The following CDH4 variants were observed in gnomAD, a reference collection of about 807,000 sequenced individuals.
CDH4 encodes the protein cadherin 4.
In CDH4, 33 loss-of-function variants were observed where a neutral mutation model predicts 86.0. That is an observed-to-expected ratio of 0.38 (90% CI 0.29 to 0.51). CDH4 has a LOEUF of 0.51. CDH4 is among the 20% of genes least tolerant of loss of function. The pLI, the probability that CDH4 is intolerant of heterozygous loss-of-function variation, is 0.86. For missense variants in CDH4, 1,114 were observed against 1,307.4 expected (o/e 0.85, Z 2.28); for synonymous variants, 555 against 549.4 (o/e 1.01, Z -0.14).
intron 2 of CDH4, among the ~76,000 whole-genome samples, chr20:61,587,186 G>A (rs6089419): frequency 1.3e-5 from 2 of 152,258 alleles, no homozygotes; most frequent in Admixed American, 1.3e-4. Flanking sequence ...GAAGCCTCCA[G>A]GCTCGGGGCA....
intron 5 of CDH4, among the ~76,000 whole-genome samples, chr20:61,845,424 C>A (rs896468849): frequency 9.2e-5 from 14 of 152,332 alleles, no homozygotes; most frequent in African/African-American, 3.4e-4. Flanking sequence ...AGGGGGCGGG[C>A]CTTCTCCTCC....
intron 2 of CDH4, among the ~76,000 whole-genome samples, chr20:61,314,410 C>T (rs1221736552): frequency 6.6e-6 from 1 of 152,160 alleles, no homozygotes; most frequent in Non-Finnish European, 1.5e-5. Flanking sequence ...GTATCGTGTC[C>T]TCCAGTTTCA....
chr20:61,792,235 G>A (rs956997046), intron 4 of CDH4, among the ~76,000 whole-genome samples: 3 of 152,136 alleles, frequency 2.0e-5, no homozygotes, highest in Admixed American at 1.3e-4. Context: ...GGGAGCCATC[G>A]AGGCTGGCTC....
intron 2 of CDH4, among the ~76,000 whole-genome samples, chr20:61,390,915 CCTTTTT>C (rs563712790): frequency 2.5e-4 from 38 of 152,236 alleles, no homozygotes; most frequent in Admixed American, 5.9e-4. Context: ...GTAATTTTCT[CCTTTTT>C]CTTTGTATTG....
intron 4 of CDH4, among the ~76,000 whole-genome samples, chr20:61,819,121 C>A (rs565328779): frequency 6.6e-6 from 1 of 152,348 alleles, no homozygotes; most frequent in African/African-American, 2.4e-5. Flanking sequence ...GCCCTTTCCC[C>A]CATCCTTGAG....
At chr20:61,818,126 T>G (rs1980824977) in intron 4 of CDH4, among the ~76,000 whole-genome samples, 1 of 151,934 alleles carries the variant, frequency 6.6e-6, no homozygotes, top group African/African-American at 2.4e-5. Flanking sequence ...GCCTCCTGGG[T>G]TCAAGCGATT....
intron 4 of CDH4, among the ~76,000 whole-genome samples, chr20:61,821,820 C>A (rs1199457223): frequency 6.6e-6 from 1 of 152,246 alleles, no homozygotes; most frequent in Non-Finnish European, 1.5e-5. Flanking sequence ...GCCTGGGTAC[C>A]ATGTACCCGA....
chr20:61,335,096 G>A (rs1197729255), intron 2 of CDH4, among the ~76,000 whole-genome samples: 2 of 152,208 alleles, frequency 1.3e-5, no homozygotes, highest in Non-Finnish European at 2.9e-5. Flanking sequence ...GTGTTGTTCA[G>A]CATGAGCCAC....
chr20:61,812,711 C>T (rs932029676), intron 4 of CDH4, among the ~76,000 whole-genome samples: 3 of 152,188 alleles, frequency 2.0e-5, no homozygotes, highest in Non-Finnish European at 2.9e-5. Flanking sequence ...GGGGATAATA[C>T]GGGGAGTTGG....
intron 2 of CDH4, among the ~76,000 whole-genome samples, chr20:61,669,676 G>A (rs890360992): frequency 6.6e-6 from 1 of 152,184 alleles, no homozygotes; most frequent in Non-Finnish European, 1.5e-5. Flanking sequence ...CTGAGCCAGA[G>A]TGATCTTTTT....
At chr20:61,586,653 G>A (rs185712411) in intron 2 of CDH4, among the ~76,000 whole-genome samples, 3 of 152,306 alleles carry the variant, frequency 2.0e-5, no homozygotes, top group Admixed American at 2.0e-4. Flanking sequence ...GGCACAGGAA[G>A]TTGATCAGCG....
At chr20:61,310,991 G>C (rs572146412) in intron 2 of CDH4, among the ~76,000 whole-genome samples, 1 of 152,248 alleles carries the variant, frequency 6.6e-6, no homozygotes, top group East Asian at 1.9e-4. Flanking sequence ...CGGGGACACA[G>C]GTCAGCCCTA....
chr20:61,475,391 AG>A (rs2085528039), intron 2 of CDH4, among the ~76,000 whole-genome samples: 1 of 149,050 alleles, frequency 6.7e-6, no homozygotes, highest in Non-Finnish European at 1.5e-5. Context: ...GTTCTGAACT[AG>A]AATCCTCAGT....
chr20:61,278,766 C>G (rs937952145), intron 2 of CDH4, among the ~76,000 whole-genome samples: 4 of 152,258 alleles, frequency 2.6e-5, no homozygotes, highest in South Asian at 4.1e-4. Context: ...CTGGCTCCCC[C>G]TCCCCAGTCT....
intron 2 of CDH4, among the ~76,000 whole-genome samples, chr20:61,678,143 T>G (rs531310258): frequency 1.3e-5 from 2 of 148,620 alleles, no homozygotes; most frequent in African/African-American, 4.9e-5. Context: ...GATAGAAGGA[T>G]AGGTAGATAG....
intron 2 of CDH4, among the ~76,000 whole-genome samples, chr20:61,260,548 G>A (rs2084122710): frequency 6.6e-6 from 1 of 152,200 alleles, no homozygotes; most frequent in Non-Finnish European, 1.5e-5. Flanking sequence ...GCAGAATTAT[G>A]TGAAGGCTGG....
Position 61,417,413 on chromosome 20 carries a change from C to T in CDH4, c.169+162476C>T, listed in dbSNP as rs912589922. On this transcript the variant is annotated intron_variant, in intron 2 of 15. Transcript: ENST00000614565. This position sits in a 1 kb window ranked among gnomAD's most constrained non-coding sequence, Gnocchi z 4.0. The stretch of plus-strand genomic sequence containing the variant: ...CTGAGGTCACCTATTCCACCTTGAG[C>T]CAGCTGTGGGGTGTGGGGCCCGAGT... Among the ~76,000 whole-genome samples, 2 of 152,148 alleles carry T rather than the reference C, an allele frequency of 1.3e-5. No homozygotes were observed. The highest frequency in any genetic ancestry group is 2.9e-5 in the Non-Finnish European group (2 of 68,032).
At chr20:61,504,849 A>G (rs942786313) in intron 2 of CDH4, among the ~76,000 whole-genome samples, 4 of 152,236 alleles carry the variant, frequency 2.6e-5, no homozygotes, top group Non-Finnish European at 5.9e-5. Flanking sequence ...CTCCGCTTCC[A>G]TACCCGTACA....
intron 2 of CDH4, among the ~76,000 whole-genome samples, chr20:61,422,507 C>T (rs1032190499): frequency 7.1e-6 from 1 of 141,502 alleles, no homozygotes; most frequent in African/African-American, 2.6e-5. Context: ...ATTTATTTAC[C>T]AGTGGAGGGT....
Sources: allele counts gnomAD v4.1 joint callset (sites outside exome capture counted in the v4.1 genomes callset), GRCh38; gene constraint gnomAD v4.1.1; non-coding constraint Gnocchi (gnomAD v3.1); transcripts MANE v1.5; gene names NCBI Gene and HGNC (gene_info 2026-07-23, HGNC 2026-07-21).